Variants in SMAP2 observed in about 807,000 individuals in gnomAD.
SMAP2 encodes the protein stromal membrane-associated protein 2.
A neutral mutation model predicts 56.4 loss-of-function variants in SMAP2; 25 were observed. The ratio of observed to expected loss-of-function variants is 0.44; its 90% confidence interval spans 0.32 to 0.62. The LOEUF is 0.62. Among genes scored for constraint, SMAP2 ranks in the 20% least tolerant of loss-of-function variants. SMAP2 has a pLI of 0.04. For synonymous variants in SMAP2, 157 were observed against 181.7 expected (o/e 0.86, Z 1.09); for missense variants, 388 against 545.6 (o/e 0.71, Z 2.88).
chr1:40,345,849 T>A (rs962254614), intron 1 of SMAP2, among the ~76,000 whole-genome samples: 4 of 137,400 alleles, frequency 2.9e-5, no homozygotes, highest in African/African-American at 1.2e-4. Context: ...TTCTTTTCTC[T>A]TATATATTAT....
chr1:40,420,211 G>A (rs1470021282), intron 9 of SMAP2, among the ~76,000 whole-genome samples: 1 of 151,962 alleles, frequency 6.6e-6, no homozygotes, highest in African/African-American at 2.4e-5. Context: ...GGCTTTCTAT[G>A]GGTTTACTTT....
chr1:40,402,499 G>C (rs1449763413), intron 1 of SMAP2, among the ~76,000 whole-genome samples: 2 of 152,006 alleles, frequency 1.3e-5, no homozygotes, highest in Non-Finnish European at 2.9e-5. Flanking sequence ...ATCTAGGCTG[G>C]AGTGCAGTGG....
chr1:40,414,216 C>T lies in SMAP2; in HGVS notation c.547C>T (p.Pro183Ser), dbSNP rs768535939. The change falls in exon 6 of 10, where the codon CCT (proline) becomes TCT (serine). Residue 183 changes from proline to serine, a missense_variant. Transcript: ENST00000372718. Reference sequence around the variant, plus strand: ...GAAAAGCTCCCCGAAATCCACAGCGCCTGTCATGGATTTGTTGGGCCTTGG... The same window carrying T: ...GAAAAGCTCCCCGAAATCCACAGCGTCTGTCATGGATTTGTTGGGCCTTGG... ...PRKSSPKSTA[P>S]VMDLLGLDAP... The T allele has an allele frequency of 4.3e-6, 7 of 1,614,174 alleles. No individual in the cohort carries two copies. In the South Asian group the frequency reaches 6.6e-5, roughly 15 times the overall value.
At chr1:40,417,683 G>C (rs1645003385) in intron 9 of SMAP2, among the ~76,000 whole-genome samples, 1 of 152,082 alleles carries the variant, frequency 6.6e-6, no homozygotes, top group South Asian at 2.1e-4. Flanking sequence ...TAGGAGTATA[G>C]GTAGTAACCT....
rs1225510610 is a variant in SMAP2 at position 40,418,054 on chromosome 1, CA to C, written c.1164+959del. ...GTAATGAATATTCTCCCTCAAAAAA[CA>C]GTCATGAAGCAGAAGAAAATTGTTA... On this transcript the variant is annotated intron_variant, in intron 9 of 9. Transcript: ENST00000372718. 2.6e-5 allele frequency among the ~76,000 whole-genome samples: 4 copies of C among 152,162 alleles called. No individual in the cohort carries two copies. In the East Asian group the frequency reaches 7.7e-4, roughly 29 times the overall value.
intron 1 of SMAP2, among the ~76,000 whole-genome samples, chr1:40,390,314 G>A (rs1644703924): frequency 6.6e-6 from 1 of 152,212 alleles, no homozygotes; most frequent in Non-Finnish European, 1.5e-5. Context: ...GTTTGCCATT[G>A]GTTGGGACTT....
chr1:40,348,897 A>C (rs999587376), intron 1 of SMAP2, among the ~76,000 whole-genome samples: 6 of 152,020 alleles, frequency 3.9e-5, no homozygotes, highest in African/African-American at 1.2e-4. Flanking sequence ...CATTCTCCCG[A>C]GTAGCTGGGA....
chr1:40,379,120 C>T (rs1163113372), intron 1 of SMAP2, among the ~76,000 whole-genome samples: 3 of 151,890 alleles, frequency 2.0e-5, no homozygotes, highest in Non-Finnish European at 4.4e-5. Context: ...GCTGGGCGCC[C>T]ACCACCACGC....
intron 1 of SMAP2, among the ~76,000 whole-genome samples, chr1:40,384,794 T>C (rs567106036): frequency 6.6e-6 from 1 of 152,318 alleles, no homozygotes; most frequent in African/African-American, 2.4e-5. Flanking sequence ...GAAAATGTAA[T>C]TTGGGATTTG....
chr1:40,418,585 T>C (rs1645012054), intron 9 of SMAP2, among the ~76,000 whole-genome samples: 1 of 152,176 alleles, frequency 6.6e-6, no homozygotes, highest in Non-Finnish European at 1.5e-5. Context: ...CTTTAAAACA[T>C]ATCCCAGCAA....
intron 1 of SMAP2, among the ~76,000 whole-genome samples, chr1:40,395,794 G>T (rs1421464489): frequency 6.6e-6 from 1 of 152,152 alleles, no homozygotes; most frequent in East Asian, 1.9e-4. Flanking sequence ...CTTTCTCCTA[G>T]TAGACCTCAG....
At chr1:40,349,330 A>T (rs374792144) in intron 1 of SMAP2, among the ~76,000 whole-genome samples, 71 of 152,056 alleles carry the variant, frequency 4.7e-4, no homozygotes, top group African/African-American at 1.6e-3. Context: ...TACTTCTCAG[A>T]CACCTCTCAT....
At chr1:40,392,105 G>T (rs1272422606) in intron 1 of SMAP2, among the ~76,000 whole-genome samples, 1 of 151,962 alleles carries the variant, frequency 6.6e-6, no homozygotes, top group Non-Finnish European at 1.5e-5. Flanking sequence ...AGTGGTGATT[G>T]AAATGCATTA....
rs1254841071 is a variant in SMAP2, at chr1:40,386,555, A to G, written c.103+12332A>G. ...AAGTAGCCTGACACAAGTGGCTCAGATCAAGGGTCCATATTACGGGCAGAG... is the reference window on the plus strand; with the variant it reads ...AAGTAGCCTGACACAAGTGGCTCAGGTCAAGGGTCCATATTACGGGCAGAG... On this transcript the variant is annotated intron_variant, in intron 1 of 9. Coordinates refer to ENST00000372718, the MANE Select transcript of SMAP2 (RefSeq NM_022733.3). This position sits in a 1 kb window ranked among gnomAD's most constrained non-coding sequence, Gnocchi z 4.1. 6.6e-6 allele frequency among the ~76,000 whole-genome samples: 1 copy of G among 152,220 alleles called. No individual in the cohort carries two copies. Among genetic ancestry groups the G allele is most frequent in the Non-Finnish European group, 1.5e-5 (1 of 68,042 alleles).
At chr1:40,391,597 G>C (rs1644717590) in intron 1 of SMAP2, among the ~76,000 whole-genome samples, 1 of 152,142 alleles carries the variant, frequency 6.6e-6, no homozygotes, top group South Asian at 2.1e-4. Flanking sequence ...TATTATGATA[G>C]TTATCCCTTC....
At chr1:40,405,129 T>G (rs1644873883) in intron 1 of SMAP2, among the ~76,000 whole-genome samples, 1 of 152,234 alleles carries the variant, frequency 6.6e-6, no homozygotes, top group African/African-American at 2.4e-5. Flanking sequence ...TAATCATGAA[T>G]TCAAATTTCT....
chr1:40,406,163 G>A (rs112848980), intron 1 of SMAP2, among the ~76,000 whole-genome samples: 4 of 152,086 alleles, frequency 2.6e-5, no homozygotes, highest in African/African-American at 4.8e-5. Flanking sequence ...CCACTAAAAC[G>A]TCTCTTGGGA....
At chr1:40,389,663 AGTAG>A (rs1344277590) in intron 1 of SMAP2, among the ~76,000 whole-genome samples, 1 of 152,168 alleles carries the variant, frequency 6.6e-6, no homozygotes, top group Non-Finnish European at 1.5e-5. Flanking sequence ...CTGCCCTCTC[AGTAG>A]GAGGTTTTGG....
At chr1:40,409,618 AT>A in intron 3 of SMAP2, 138 bp from the exon 4 acceptor site, 1 of 618,300 alleles carries the variant, frequency 1.6e-6, no homozygotes, top group Non-Finnish European at 2.9e-6. Flanking sequence ...GAGAAATTGC[AT>A]ATGAAGAGGC....
Sources: allele counts gnomAD v4.1 joint callset (sites outside exome capture counted in the v4.1 genomes callset), GRCh38; gene constraint gnomAD v4.1.1; non-coding constraint Gnocchi (gnomAD v3.1); transcripts MANE v1.5; gene names NCBI Gene and HGNC (gene_info 2026-07-23, HGNC 2026-07-21).